The following NRXN3 variants were observed in gnomAD, a reference collection of about 807,000 sequenced individuals.
The protein encoded by NRXN3 is neurexin III.
Under a neutral mutation model 137.6 loss-of-function variants are expected in NRXN3, and 32 were observed. The ratio of observed to expected loss-of-function variants is 0.23; its 90% CI spans 0.18 to 0.31. The LOEUF is 0.31. NRXN3 is among the 10% of genes least tolerant of loss of function. NRXN3 has a pLI of 1.00. For missense variants in NRXN3, 1,574 were observed against 2,062.5 expected, an observed-to-expected ratio of 0.76 and a Z score of 4.59; for synonymous variants, 798 against 784.5, an observed-to-expected ratio of 1.02 and a Z score of -0.29.
chr14:78,635,837 T>C (rs763007921), intron 4 of NRXN3, among the ~76,000 whole-genome samples: 7 of 152,216 alleles, frequency 4.6e-5, no homozygotes, highest in Non-Finnish European at 8.8e-5. Flanking sequence ...CAATTCTGGT[T>C]AAGTTCTCCA....
At chr14:78,413,316 A>T (rs2092940595) in intron 4 of NRXN3, among the ~76,000 whole-genome samples, 1 of 151,846 alleles carries the variant, frequency 6.6e-6, no homozygotes, top group African/African-American at 2.4e-5. Context: ...ACAGAGTTTT[A>T]CTCTTGTTGC....
chr14:78,952,670 G>A (rs1449349231), intron 10 of NRXN3, among the ~76,000 whole-genome samples: 1 of 152,090 alleles, frequency 6.6e-6, no homozygotes, highest in Non-Finnish European at 1.5e-5. Flanking sequence ...TATAATTATA[G>A]GCATCTTTCA....
intron 19 of NRXN3, among the ~76,000 whole-genome samples, chr14:79,768,064 C>T (rs563286299): frequency 1.3e-4 from 20 of 152,168 alleles, no homozygotes; most frequent in South Asian, 2.1e-4. Context: ...GCTTTTCCGA[C>T]GGGCTTAAAA....
At chr14:78,704,629 C>T (rs1341401471) in intron 6 of NRXN3, among the ~76,000 whole-genome samples, 1 of 152,006 alleles carries the variant, frequency 6.6e-6, no homozygotes, top group East Asian at 1.9e-4. Context: ...TACAGGAGGG[C>T]CTAGAAATTG....
intron 4 of NRXN3, among the ~76,000 whole-genome samples, chr14:78,379,695 A>G (rs2088671172): frequency 6.6e-6 from 1 of 152,274 alleles, no homozygotes; most frequent in African/African-American, 2.4e-5. Flanking sequence ...GATCATAAAG[A>G]AACCCAGAAT....
intron 4 of NRXN3, among the ~76,000 whole-genome samples, chr14:78,497,376 A>G (rs10483903): frequency 0.38 from 57,915 of 151,880 alleles, 11,312 homozygotes; most frequent in East Asian, 0.47. Context: ...CCATCTTTCC[A>G]TGATCCTCTT....
intron 16 of NRXN3, among the ~76,000 whole-genome samples, chr14:79,596,221 G>GGTCA (rs957324704): frequency 2.4e-4 from 36 of 152,162 alleles, no homozygotes; most frequent in African/African-American, 8.4e-4. Flanking sequence ...AGTTGAGAAA[G>GGTCA]GTCATTAAGG....
chr14:78,891,246 T>C (rs2099158026), intron 10 of NRXN3, among the ~76,000 whole-genome samples: 1 of 151,954 alleles, frequency 6.6e-6, no homozygotes, highest in South Asian at 2.1e-4. Context: ...TCCTTCAGTA[T>C]TTATAACAAT....
intron 20 of NRXN3, among the ~76,000 whole-genome samples, chr14:79,856,936 A>G (rs1030792967): frequency 2.6e-5 from 4 of 152,170 alleles, no homozygotes; most frequent in African/African-American, 9.7e-5. Context: ...AAGAATATAG[A>G]TAGCTTTTAT....
At chr14:79,757,042 A>G (rs1313159716) in intron 19 of NRXN3, among the ~76,000 whole-genome samples, 3 of 152,076 alleles carry the variant, frequency 2.0e-5, no homozygotes, top group Non-Finnish European at 4.4e-5. Flanking sequence ...TCATGCTCTG[A>G]GGTCTAGCTT....
At chr14:79,757,471 A>ATATT (rs2099023684) in intron 19 of NRXN3, among the ~76,000 whole-genome samples, 1 of 152,196 alleles carries the variant, frequency 6.6e-6, no homozygotes. Context: ...ATTAATGGTG[A>ATATT]TATTATATCT....
chr14:78,251,313 C>CT (rs2068591288), intron 2 of NRXN3, among the ~76,000 whole-genome samples: 1 of 152,162 alleles, frequency 6.6e-6, no homozygotes, highest in Non-Finnish European at 1.5e-5. Context: ...TTGTCTATTC[C>CT]TTTGTGTGTG....
At chr14:79,295,958 A>T (rs2084033015) in intron 15 of NRXN3, among the ~76,000 whole-genome samples, 1 of 152,172 alleles carries the variant, frequency 6.6e-6, no homozygotes, top group Admixed American at 6.6e-5. Context: ...ACTGTTTTCC[A>T]GGCACTGTCC....
rs1333013453 is a variant in NRXN3, at chr14:78,170,537, C to T, written c.-841C>T. 1.3e-5 allele frequency: 2 copies of T among 152,272 alleles called. No homozygotes were observed. The highest frequency in any genetic ancestry group is 2.9e-5 in the Non-Finnish European group (2 of 68,084). The allele number at this position is 152,272 out of a possible 1,614,324, so 9.4% of individuals were successfully genotyped here. ...CTCCCTTCTACCCTGCCACTCCCTCCCAGAGAGAAAGGAAAAGGAGAGAGA... is the reference window on the plus strand; with the variant it reads ...CTCCCTTCTACCCTGCCACTCCCTCTCAGAGAGAAAGGAAAAGGAGAGAGA... On this transcript the variant is annotated 5_prime_UTR_variant, in exon 1 of 21. Transcript: ENST00000335750.
In NRXN3 at chr14:78,406,924, C is replaced by T. The variant is rs148485303; in HGVS notation, c.757+109064C>T. 2.6e-4 allele frequency among the ~76,000 whole-genome samples: 39 copies of T among 152,238 alleles called. 1 individual carries two copies. In the East Asian group the frequency reaches 7.3e-3, roughly 29 times the overall value. On this transcript the variant is annotated intron_variant, in intron 4 of 20. Coordinates refer to ENST00000335750, the MANE Select transcript of NRXN3 (RefSeq NM_001330195.2). ...CTGCATATACCCTGCACTCTAATAGCCCATTGATGTCAGCTCTTGGCTACC... is the reference window on the plus strand; with the variant it reads ...CTGCATATACCCTGCACTCTAATAGTCCATTGATGTCAGCTCTTGGCTACC...
At chr14:78,480,470 A>G (rs189945861) in intron 4 of NRXN3, among the ~76,000 whole-genome samples, 1 of 152,354 alleles carries the variant, frequency 6.6e-6, no homozygotes, top group East Asian at 1.9e-4. Flanking sequence ...TCTTTATTTA[A>G]CAAAAGTAGA....
In NRXN3 at chr14:79,031,617, C is replaced by T. The variant is rs540837172; in HGVS notation, c.3262+43476C>T. Among the ~76,000 whole-genome samples the T allele has an allele frequency of 2.8e-4, 42 of 152,108 alleles. No homozygotes were observed. In the South Asian group the frequency reaches 7.3e-3, roughly 26 times the overall value. On this transcript the variant is annotated intron_variant, in intron 15 of 20. Transcript: ENST00000335750. ...GAAAGTGAGAATCGTAATATACTTG[C>T]GAAACAGATTGGATTCCATCTGGTG...
intron 20 of NRXN3, among the ~76,000 whole-genome samples, chr14:79,819,364 C>CTTTTTTT (rs961492724): frequency 6.8e-6 from 1 of 146,846 alleles, no homozygotes; most frequent in East Asian, 2.0e-4. Flanking sequence ...AATGTGTAGT[C>CTTTTTTT]TTTTTTTTTG....
intron 5 of NRXN3, chr14:78,649,173 A>T (rs1334042523): frequency 7.6e-6 from 6 of 793,076 alleles, no homozygotes; most frequent in Non-Finnish European, 9.6e-6. Context: ...TAATGTACTA[A>T]CACCCTAACG....
Sources: allele counts gnomAD v4.1 joint callset (sites outside exome capture counted in the v4.1 genomes callset), GRCh38; gene constraint gnomAD v4.1.1; transcripts MANE v1.5; gene names NCBI Gene and HGNC (gene_info 2026-07-23, HGNC 2026-07-21).